Variants in FRY observed in about 807,000 individuals in gnomAD.
FRY encodes protein furry homolog.
A neutral mutation model predicts 348.4 loss-of-function variants in FRY; 128 were observed. The ratio of observed to expected loss-of-function variants is 0.37; its 90% confidence interval spans 0.32 to 0.43. FRY has a LOEUF of 0.43. Ranked by LOEUF, FRY falls within the 20% of genes least tolerant of loss-of-function variation. FRY has a pLI of 1.00. For missense variants in FRY, 2,736 were observed against 3,695.2 expected (o/e 0.74, Z 6.73); for synonymous variants, 1,370 against 1,374.7 (o/e 1.00, Z 0.08).
intron 59 of FRY, among the ~76,000 whole-genome samples, chr13:32,290,989 C>T (rs1889313735): frequency 6.6e-6 from 1 of 152,106 alleles, no homozygotes; most frequent in Non-Finnish European, 1.5e-5. Context: ...TGGCTGCATA[C>T]TGGACCAAGA....
rs1050018331 is a variant in FRY at position 32,296,224 on chromosome 13, A to C, written c.*764A>C. On this transcript the variant is annotated 3_prime_UTR_variant, in exon 61 of 61. Transcript: ENST00000542859. The stretch of plus-strand genomic sequence containing the variant: ...AGGTTGCTTTTATGAGCATATTTAT[A>C]CTGCTGAAGGATGAGTGTTAATTTT... 6.6e-6 allele frequency: 1 copy of C among 152,664 alleles called. No individual in the cohort carries two copies. The highest frequency in any genetic ancestry group is 1.5e-5 in the Non-Finnish European group (1 of 68,048). 9.5% of individuals were successfully genotyped at this position (152,664 alleles called of 1,614,324 possible).
chr13:32,117,966 C>G (rs1057413064), intron 4 of FRY, among the ~76,000 whole-genome samples: 4 of 152,204 alleles, frequency 2.6e-5, no homozygotes, highest in African/African-American at 4.8e-5. Flanking sequence ...ACCTCAGCCT[C>G]CTTGTGAGCA....
chr13:32,236,701 G>T (rs1032065468), intron 43 of FRY, among the ~76,000 whole-genome samples: 3 of 151,740 alleles, frequency 2.0e-5, no homozygotes, highest in Admixed American at 6.6e-5. Context: ...TATTCTGTTT[G>T]TGTTATTGAG....
intron 1 of FRY, among the ~76,000 whole-genome samples, chr13:32,066,159 C>G (rs1874247064): frequency 6.6e-6 from 1 of 152,282 alleles, no homozygotes; most frequent in Non-Finnish European, 1.5e-5. Flanking sequence ...CCACGTATTA[C>G]ATTTGGTTGT....
intron 2 of FRY, among the ~76,000 whole-genome samples, chr13:32,095,408 C>T (rs1450004037): frequency 4.0e-5 from 5 of 125,730 alleles, no homozygotes; most frequent in Non-Finnish European, 7.9e-5. Flanking sequence ...AGTGCAGTGG[C>T]GCAGTCTTGG....
Position 32,147,842 on chromosome 13 carries a change from A to T in FRY, c.1287A>T (p.Arg429=), listed in dbSNP as rs1880550311. Residue 429 remains arginine, a synonymous_variant, in exon 13 of 61, where the codon CGA becomes CGT. Coordinates refer to ENST00000542859, the MANE Select transcript of FRY (RefSeq NM_023037.3). ...KCESNTATQS[R]LITIITTLFP... Reference sequence around the variant, plus strand: ...TCTTTTCCCCCTTATCTTTCAGCCGACTTATAACCATCATCACAACACTTT... The same window carrying T: ...TCTTTTCCCCCTTATCTTTCAGCCGTCTTATAACCATCATCACAACACTTT... 6.3e-7 allele frequency: 1 copy of T among 1,587,352 alleles called. No individual in the cohort carries two copies. The highest frequency in any genetic ancestry group is 1.7e-5 in the Admixed American group (1 of 59,948).
chr13:32,041,999 T>C (rs1054541633), intron 1 of FRY, among the ~76,000 whole-genome samples: 7 of 152,248 alleles, frequency 4.6e-5, no homozygotes, highest in African/African-American at 1.7e-4. Flanking sequence ...AGAATGAAGA[T>C]TCTAGCACAT....
At chr13:32,144,896 A>C (rs1232833662) in intron 11 of FRY, among the ~76,000 whole-genome samples, 1 of 152,200 alleles carries the variant, frequency 6.6e-6, no homozygotes, top group Non-Finnish European at 1.5e-5. Context: ...TATGTGTGAG[A>C]GTCAGGGGAC....
chr13:32,194,713 C>T (rs1414815792), intron 29 of FRY, among the ~76,000 whole-genome samples: 1 of 152,090 alleles, frequency 6.6e-6, no homozygotes, highest in Non-Finnish European at 1.5e-5. Flanking sequence ...TTACCCAAAA[C>T]TTCAGAAAGG....
chr13:32,100,313 T>A (rs1236319499), intron 2 of FRY, among the ~76,000 whole-genome samples: 2 of 151,916 alleles, frequency 1.3e-5, no homozygotes, highest in Admixed American at 1.3e-4. Context: ...TCTCTTGACC[T>A]CGTGTTCTGC....
chr13:32,231,079 A>T, intron 40 of FRY, 100 bp from the exon 41 acceptor site: 1 of 1,044,326 alleles, frequency 9.6e-7, no homozygotes, highest in Admixed American at 2.3e-5. Flanking sequence ...GATTGCAAAA[A>T]ATTTAAATAT....
At chr13:32,202,204 A>G (rs981669069) in intron 30 of FRY, 152 bp from the exon 31 acceptor site, 5 of 768,022 alleles carry the variant, frequency 6.5e-6, no homozygotes, top group South Asian at 3.0e-5. Context: ...TTTTGTAAAC[A>G]TACTAATTAA....
intron 16 of FRY, among the ~76,000 whole-genome samples, chr13:32,159,106 T>C (rs1445875372): frequency 1.3e-5 from 2 of 152,124 alleles, no homozygotes; most frequent in Non-Finnish European, 2.9e-5. Context: ...TTTTAATCAA[T>C]GTTCAAACTT....
chr13:32,168,015 A>G (rs1881843282), intron 17 of FRY, among the ~76,000 whole-genome samples: 1 of 152,162 alleles, frequency 6.6e-6, no homozygotes. Flanking sequence ...AGAGTTCTCC[A>G]GAGAGAAACA....
chr13:32,133,768 C>CTTTTTTTTTTTTTTTTTTT (rs34413710), intron 8 of FRY, among the ~76,000 whole-genome samples: 31 of 89,286 alleles, frequency 3.5e-4, no homozygotes, highest in South Asian at 8.4e-4. Flanking sequence ...TTCTTTCTTT[C>CTTTTTTTTTTTTTTTTTTT]TTTTTTTTTT....
At chr13:32,100,039 A>C (rs1169307326) in intron 2 of FRY, among the ~76,000 whole-genome samples, 1 of 152,038 alleles carries the variant, frequency 6.6e-6, no homozygotes, top group African/African-American at 2.4e-5. Flanking sequence ...CTAATAAATA[A>C]ACCTTACTTT....
At chr13:32,102,153 C>T (rs965628372) in intron 3 of FRY, 137 bp downstream of exon 3, 16 of 652,456 alleles carry the variant, frequency 2.5e-5, no homozygotes, top group Middle Eastern at 2.5e-4. Flanking sequence ...GAACTGTACC[C>T]TGCAGTTTTC....
chr13:32,093,367 T>C (rs1313526098), intron 2 of FRY, among the ~76,000 whole-genome samples: 1 of 152,192 alleles, frequency 6.6e-6, no homozygotes. Flanking sequence ...AGTAGACTTT[T>C]AAAGAAATCA....
At position 32,155,516 on chromosome 13, in the gene FRY, T is replaced by C. The variant is rs1030752372; in HGVS notation, c.1505T>C (p.Phe502Ser). ...PERMNIGLRA[F>S]LVIADSLQQK... ...AGAATGAACATTGGTTTACGGGCAT[T>C]CTTGGTCATAGCTGATAGCTTGCAG... Residue 502 changes from phenylalanine (F) to serine (S), a missense_variant, in exon 15 of 61, where the codon TTC becomes TCC. Phe to Ser is a radical substitution (Grantham distance 155). Around this residue, in one of 9 missense-constraint regions of FRY, gnomAD observed 191 missense variants for 370.2 expected, o/e 0.52. Coordinates refer to ENST00000542859, the MANE Select transcript of FRY (RefSeq NM_023037.3). 3 of 1,613,642 alleles carry C rather than the reference T, an allele frequency of 1.9e-6. No homozygotes were observed.
Sources: gnomAD v4.1 joint callset for allele counts (sites outside exome capture counted in the v4.1 genomes callset) on GRCh38, gnomAD v4.1.1 for gene constraint, gnomAD v4.1.1 regional missense constraint, MANE v1.5 for transcripts, NCBI Gene and HGNC (gene_info 2026-07-23, HGNC 2026-07-21) for gene names.